FBXL14: variants seen among roughly 807,000 people sequenced by gnomAD.
The protein encoded by FBXL14 is F-box and leucine rich repeat protein 14.
Under a neutral mutation model 24.5 loss-of-function variants are expected in FBXL14, and 11 were observed. The observed-to-expected ratio is 0.45, with a 90% CI of 0.28 to 0.74. The LOEUF is 0.74. Among genes scored for constraint, FBXL14 ranks in the 30% least tolerant of loss-of-function variants. FBXL14 has a pLI of 0.12. For missense variants in FBXL14, 384 were observed against 545.6 expected (o/e 0.70, Z 2.95); for synonymous variants, 294 against 240.4 (o/e 1.22, Z -2.06).
At position 1,593,395 on chromosome 12, in the gene FBXL14, G is replaced by C. The variant is rs35524129; in HGVS notation, c.672C>G (p.Ser224=). ...KLTDLSLKHI[S]RGLTGLRLLN... ...GGAGCCTCAGGCCCGTCAGCCCTCG[G>C]GAGATGTGCTTTAGAGAAAGATCTG... The change falls in exon 1 of 2, where the codon TCC becomes TCG. Residue 224 remains serine (S), a synonymous_variant. Transcript: ENST00000339235. This position sits in a 1 kb window ranked among gnomAD's most constrained non-coding sequence, Gnocchi z 7.4. 2 of 1,613,910 alleles carry C rather than the reference G, an allele frequency of 1.2e-6. No homozygotes were observed. The highest frequency in any genetic ancestry group is 4.5e-5 in the East Asian group (2 of 44,880).
At chr12:1,586,570 G>A (rs35538655) in intron 1 of FBXL14, among the ~76,000 whole-genome samples, 3,565 of 152,250 alleles carry the variant, frequency 0.023, 72 homozygotes, top group Middle Eastern at 0.088. Context: ...CCGCCTCCAT[G>A]CTGGTCACCT....
intron 1 of FBXL14, among the ~76,000 whole-genome samples, chr12:1,583,917 G>C (rs561100804): frequency 1.3e-3 from 200 of 152,356 alleles, no homozygotes; most frequent in African/African-American, 4.7e-3. Flanking sequence ...TTGTGTGTAA[G>C]AGGGTTTTTT....
chr12:1,586,654 C>G (rs1480334450), intron 1 of FBXL14, among the ~76,000 whole-genome samples: 1 of 152,186 alleles, frequency 6.6e-6, no homozygotes, highest in African/African-American at 2.4e-5. Flanking sequence ...TAGGCAAAAT[C>G]TTTTCCACTT....
chr12:1,580,437 C>T (rs1253935152), intron 1 of FBXL14, among the ~76,000 whole-genome samples: 2 of 152,174 alleles, frequency 1.3e-5, no homozygotes, highest in African/African-American at 2.4e-5. Flanking sequence ...CATCCTTCCA[C>T]CTGGGAAGAC....
intron 1 of FBXL14, 48 bp from the exon 2 acceptor site, chr12:1,566,858 C>A: frequency 1.3e-6 from 1 of 778,242 alleles, no homozygotes; most frequent in Non-Finnish European, 2.4e-6. Context: ...GACTGCCGCA[C>A]TCTGCTCTTC....
intron 1 of FBXL14, among the ~76,000 whole-genome samples, chr12:1,578,501 C>T (rs1047570267): frequency 1.3e-5 from 2 of 151,996 alleles, no homozygotes; most frequent in African/African-American, 4.8e-5. Context: ...ATTAGCCAGG[C>T]ATGATGACAG....
intron 1 of FBXL14, among the ~76,000 whole-genome samples, chr12:1,580,897 G>C (rs1299276428): frequency 2.6e-5 from 4 of 152,130 alleles, no homozygotes; most frequent in Admixed American, 2.6e-4. Flanking sequence ...TTCCTGGCAG[G>C]TGCAGAGGTA....
intron 1 of FBXL14, among the ~76,000 whole-genome samples, chr12:1,576,015 T>G (rs1012005762): frequency 3.3e-5 from 5 of 152,224 alleles, no homozygotes; most frequent in Non-Finnish European, 5.9e-5. Context: ...GTGCAATGCC[T>G]CAGCACAGCC....
At chr12:1,577,329 T>C (rs1481241134) in intron 1 of FBXL14, among the ~76,000 whole-genome samples, 1 of 151,944 alleles carries the variant, frequency 6.6e-6, no homozygotes. Flanking sequence ...ATGTAGCCCC[T>C]CCTCGGGGGA....
At chr12:1,577,306 T>C (rs1338702194) in intron 1 of FBXL14, among the ~76,000 whole-genome samples, 1 of 151,924 alleles carries the variant, frequency 6.6e-6, no homozygotes, top group Non-Finnish European at 1.5e-5. Context: ...AACTCTGGAG[T>C]TGGGGCCAAA....
rs138995486 is a variant in FBXL14 at position 1,584,219 on chromosome 12, C to T, written c.1194+8654G>A. On this transcript the variant is annotated intron_variant, in intron 1 of 1. Coordinates refer to ENST00000339235, the MANE Select transcript of FBXL14 (RefSeq NM_152441.3). ...ATAATAGTAATAATGGGCATGGTGG[C>T]ACATGCCTGTGGTCCCAGCTACTCG... 4.7e-3 allele frequency among the ~76,000 whole-genome samples: 708 copies of T among 152,162 alleles called. 5 individuals carry two copies. The highest frequency in any genetic ancestry group is 0.016 in the African/African-American group (676 of 41,520).
At chr12:1,587,369 C>T (rs911875134) in intron 1 of FBXL14, 7 of 151,872 alleles carry the variant, frequency 4.6e-5, no homozygotes, top group South Asian at 2.1e-4. Context: ...AATTCCACTT[C>T]GATTGTTTTA....
chr12:1,591,028 T>G (rs1404157212), intron 1 of FBXL14, among the ~76,000 whole-genome samples: 1 of 152,210 alleles, frequency 6.6e-6, no homozygotes, highest in Non-Finnish European at 1.5e-5. Context: ...AACTGGCCAC[T>G]CGGGGAAACT....
In FBXL14 at chr12:1,593,371, G is replaced by A; in HGVS notation, c.696C>T (p.Leu232=). Reference sequence around the variant, plus strand: ...TTCCCCCACAGAAGCTGAGGTTGAGGAGCCTCAGGCCCGTCAGCCCTCGGG... The same window carrying A: ...TTCCCCCACAGAAGCTGAGGTTGAGAAGCCTCAGGCCCGTCAGCCCTCGGG... ...HISRGLTGLR[L]LNLSFCGGIS... The change falls in exon 1 of 2, where the codon CTC becomes CTT. Residue 232 remains leucine, a synonymous_variant. Transcript: ENST00000339235. The surrounding 1 kb of genome is among the most constrained non-coding windows in gnomAD (Gnocchi z 7.4). The A allele has an allele frequency of 2.5e-6, 4 of 1,614,008 alleles. No individual in the cohort carries two copies. The highest frequency in any genetic ancestry group is 3.4e-6 in the Non-Finnish European group (4 of 1,180,026).
intron 1 of FBXL14, among the ~76,000 whole-genome samples, chr12:1,578,125 A>G (rs1039805014): frequency 6.6e-6 from 1 of 152,148 alleles, no homozygotes; most frequent in Non-Finnish European, 1.5e-5. Context: ...AATTTTCTTT[A>G]ATGGGAAAGC....
At position 1,566,802 on chromosome 12, in the gene FBXL14, T is replaced by A. The variant is rs74058766; in HGVS notation, c.1203A>T (p.Arg401=). The A allele has an allele frequency of 3.5e-4, 273 of 780,920 alleles. 1 individual carries two copies. In the African/African-American group the frequency reaches 4.3e-3, roughly 12 times the overall value. 48.4% of individuals were successfully genotyped at this position (780,920 alleles called of 1,614,324 possible). The part of the protein sequence containing the change: ...WQMTDSEKEA[R]GDFSPLFTVR... ...CAGTGAATAATGGAGAAAAATCCCC[T>A]CGTGCCTCCTGCAGTGGGAAGAAGA... The change falls in exon 2 of 2, where the codon CGA becomes CGT. Residue 401 remains arginine, a synonymous_variant. Transcript: ENST00000339235.
At chr12:1,581,382 G>A (rs1050573534) in intron 1 of FBXL14, among the ~76,000 whole-genome samples, 3 of 152,142 alleles carry the variant, frequency 2.0e-5, no homozygotes, top group African/African-American at 4.8e-5. Flanking sequence ...CAAGAGAAAC[G>A]TGCATCATCT....
intron 1 of FBXL14, among the ~76,000 whole-genome samples, chr12:1,582,247 G>GA (rs1163072764): frequency 1.3e-5 from 2 of 149,136 alleles, no homozygotes; most frequent in Non-Finnish European, 3.0e-5. Context: ...GAAAGAAAAA[G>GA]AAAAGAAAAG....
chr12:1,591,972 A>G (rs2094491164), intron 1 of FBXL14, among the ~76,000 whole-genome samples: 1 of 152,100 alleles, frequency 6.6e-6, no homozygotes, highest in South Asian at 2.1e-4. Flanking sequence ...TCAAATCCCA[A>G]TGAACAAGGA....
Sources: gnomAD v4.1 joint callset for allele counts (sites outside exome capture counted in the v4.1 genomes callset) on GRCh38, gnomAD v4.1.1 for gene constraint, Gnocchi (gnomAD v3.1) non-coding constraint, MANE v1.5 for transcripts, NCBI Gene and HGNC (gene_info 2026-07-23, HGNC 2026-07-21) for gene names.